SCN9A: variants seen among roughly 807,000 people sequenced by gnomAD.
SCN9A encodes the protein sodium channel protein type 9 subunit alpha.
A neutral mutation model predicts 187.0 loss-of-function variants in SCN9A; 131 were observed. The ratio of observed to expected loss-of-function variants is 0.70; its 90% confidence interval spans 0.61 to 0.81. The LOEUF (loss-of-function observed/expected upper bound fraction) is 0.81, where lower values mean the gene tolerates loss of function less well. Ranked by LOEUF, SCN9A falls within the 30% of genes least tolerant of loss-of-function variation. The pLI is 0.00. For missense variants in SCN9A, 2,252 were observed against 2,396.6 expected (o/e 0.94, Z 1.26); for synonymous variants, 809 against 808.6 (o/e 1.00, Z -0.01).
chr2:166,309,442 A>T (rs1698869749), intron 2 of SCN9A, among the ~76,000 whole-genome samples: 1 of 152,194 alleles, frequency 6.6e-6, no homozygotes, highest in African/African-American at 2.4e-5. Context: ...TGTTATGCTA[A>T]ACAATTATAC....
chr2:166,313,402 G>T (rs144841509), intron 1 of SCN9A, among the ~76,000 whole-genome samples: 1 of 152,222 alleles, frequency 6.6e-6, no homozygotes, highest in African/African-American at 2.4e-5. Flanking sequence ...AATGATCTTA[G>T]CTAGATCTTC....
chr2:166,249,286 T>C (rs1695932513), intron 18 of SCN9A: 1 of 152,156 alleles, frequency 6.6e-6, no homozygotes, highest in Non-Finnish European at 1.5e-5. Flanking sequence ...TTTTCACTTA[T>C]CTGACCTGCT....
chr2:166,312,813 A>C (rs1280154382), intron 1 of SCN9A, among the ~76,000 whole-genome samples: 18 of 102,250 alleles, frequency 1.8e-4, no homozygotes, highest in Admixed American at 1.7e-3. Context: ...TTTTGAAAGA[A>C]ATCTTTTTTT....
At chr2:166,270,529 T>A (rs183431237) in intron 17 of SCN9A, among the ~76,000 whole-genome samples, 2 of 152,158 alleles carry the variant, frequency 1.3e-5, no homozygotes, top group African/African-American at 4.8e-5. Flanking sequence ...TATATCATGA[T>A]TTATTTATTT....
chr2:166,279,485 T>C (rs1161484081), intron 14 of SCN9A, among the ~76,000 whole-genome samples: 5 of 152,188 alleles, frequency 3.3e-5, no homozygotes, highest in Non-Finnish European at 5.9e-5. Flanking sequence ...TTGTTTACCC[T>C]GAGTTAGTGT....
intron 24 of SCN9A, among the ~76,000 whole-genome samples, chr2:166,212,695 G>A (rs1425203729): frequency 6.6e-6 from 1 of 152,136 alleles, no homozygotes; most frequent in African/African-American, 2.4e-5. Context: ...ATCTTTTCAA[G>A]TGCGCACAGA....
At chr2:166,313,815 C>G (rs1292153075) in intron 1 of SCN9A, among the ~76,000 whole-genome samples, 2 of 152,190 alleles carry the variant, frequency 1.3e-5, no homozygotes, top group East Asian at 1.9e-4. Context: ...TTTCAACATG[C>G]CTTCCTCACT....
chr2:166,294,655 A>C lies in SCN9A; in HGVS notation c.909T>G (p.Phe303Leu). The C allele has an allele frequency of 6.2e-7, 1 of 1,604,230 alleles. No individual in the cohort carries two copies. The highest frequency in any genetic ancestry group is 8.5e-7 in the Non-Finnish European group (1 of 1,173,888). Residue 303 changes from phenylalanine to leucine, a missense_variant, in exon 8 of 27, where the codon TTT becomes TTG. By Grantham distance (22) the Phe-to-Leu change is conservative (BLOSUM62 0). This residue lies in a region of SCN9A where 1,013 missense variants were observed against 997.4 expected (regional missense o/e 1.02). Transcript: ENST00000642356. Reference sequence around the variant, plus strand: ...CATCTTTGGATCCTTCCAAGTAATAAAAATATTCTGTTGAAGAAGAATTTG... The same window carrying C: ...CATCTTTGGATCCTTCCAAGTAATACAAATATTCTGTTGAAGAAGAATTTG... The part of the protein sequence containing the change: ...LESEEDFRKY[F>L]YYLEGSKDAL...
At chr2:166,294,316 C>T (rs1042201889) in intron 8 of SCN9A, among the ~76,000 whole-genome samples, 1 of 152,088 alleles carries the variant, frequency 6.6e-6, no homozygotes, top group African/African-American at 2.4e-5. Context: ...ATCCAACCAA[C>T]TTTTGGTGGA....
intron 17 of SCN9A, among the ~76,000 whole-genome samples, chr2:166,261,850 A>G (rs1348615180): frequency 1.3e-5 from 2 of 151,998 alleles, no homozygotes; most frequent in East Asian, 1.9e-4. Flanking sequence ...GTGAAAGATA[A>G]TATAATAATA....
chr2:166,205,225 C>G (rs985836111), intron 24 of SCN9A: 1 of 152,164 alleles, frequency 6.6e-6, no homozygotes, highest in Non-Finnish European at 1.5e-5. Context: ...GCAAAAAGAA[C>G]AAAGCTGGAG....
intron 1 of SCN9A, among the ~76,000 whole-genome samples, chr2:166,343,685 A>G (rs1198667788): frequency 5.3e-5 from 8 of 152,034 alleles, no homozygotes; most frequent in Non-Finnish European, 1.2e-4. Flanking sequence ...GATCTCAGCT[A>G]CTCAAGAGGC....
Position 166,214,508 on chromosome 2 carries a change from T to C in SCN9A, c.4399-10044A>G, listed in dbSNP as rs957523617. On this transcript the variant is annotated intron_variant, in intron 24 of 26. Transcript: ENST00000642356. ...ATCCCAACTCTACAATCTTTCTTTT[T>C]TTTTTTTTTTTTTTTTGAGATGGAG... is the stretch of plus-strand genomic sequence containing the variant. Among the ~76,000 whole-genome samples the C allele has an allele frequency of 8.4e-4, 36 of 42,618 alleles. No individual in the cohort carries two copies. The South Asian group carries it at 0.01, about 12-fold the overall frequency. 28.0% of individuals were successfully genotyped at this position (42,618 alleles called of 152,430 possible).
At chr2:166,278,388 T>G (rs559866070) in intron 14 of SCN9A, 75 bp from the exon 15 acceptor site, 4 of 1,238,720 alleles carry the variant, frequency 3.2e-6, no homozygotes, top group Non-Finnish European at 4.5e-6. Flanking sequence ...AATCACTGTT[T>G]GCTTAGCATT....
At chr2:166,302,204 CCATCAGA>C (rs1698584161) in intron 7 of SCN9A, 7 of 151,592 alleles carry the variant, frequency 4.6e-5, no homozygotes, top group African/African-American at 1.7e-4. Flanking sequence ...CACGTGGGCA[CCATCAGA>C]TAGATACATT....
intron 19 of SCN9A, 25 bp downstream of exon 19, chr2:166,242,477 T>C (rs916048529): frequency 1.3e-6 from 2 of 1,528,028 alleles, no homozygotes; most frequent in Non-Finnish European, 8.8e-7. Context: ...AATCAATATA[T>C]TGACTTAGGT....
At chr2:166,364,179 A>G (rs372028184) in intron 1 of SCN9A, among the ~76,000 whole-genome samples, 9 of 152,006 alleles carry the variant, frequency 5.9e-5, no homozygotes, top group African/African-American at 2.2e-4. Context: ...AAAAAGGAAA[A>G]GAAACATTGA....
chr2:166,341,441 GCTT>G (rs1345017274), intron 1 of SCN9A, among the ~76,000 whole-genome samples: 2 of 152,184 alleles, frequency 1.3e-5, no homozygotes, highest in African/African-American at 4.8e-5. Flanking sequence ...GAGTTCAGTG[GCTT>G]CTCCCACTTT....
chr2:166,204,612 TTAAA>T (rs199730568), intron 24 of SCN9A, 148 bp from the exon 25 acceptor site: 31,652 of 453,506 alleles, frequency 0.07, 1,278 homozygotes, highest in Non-Finnish European at 0.087. Context: ...AAAATATATC[TTAAA>T]TAATTACATA....
Sources: allele counts gnomAD v4.1 joint callset (sites outside exome capture counted in the v4.1 genomes callset), GRCh38; gene constraint gnomAD v4.1.1; regional missense constraint gnomAD v4.1.1; transcripts MANE v1.5; gene names NCBI Gene and HGNC (gene_info 2026-07-23, HGNC 2026-07-21).